The following ALK variants were observed in gnomAD, a reference collection of about 807,000 sequenced individuals.
ALK encodes ALK receptor tyrosine kinase, also known as ALK tyrosine kinase receptor.
Under a neutral mutation model 163.1 loss-of-function variants are expected in ALK, and 74 were observed. That is an observed-to-expected ratio of 0.45 (90% CI 0.38 to 0.55). ALK has a LOEUF of 0.55. Ranked by LOEUF, ALK falls within the 20% of genes least tolerant of loss-of-function variation. The pLI is 0.00. For missense variants in ALK, 2,063 were observed against 2,105.3 expected, an observed-to-expected ratio of 0.98 and a Z score of 0.39; for synonymous variants, 960 against 843.2, an observed-to-expected ratio of 1.14 and a Z score of -2.40.
rs1572423602 is a variant in ALK at position 29,837,640 on chromosome 2, T to C, written c.667+82353A>G. ...CCTAAACTAGCCCTAGGTTAAAGAC[T>C]ACTTTAGATCATCTCTTTAAAAGCT... On this transcript the variant is annotated intron_variant, in intron 1 of 28. Transcript: ENST00000389048. Among the ~76,000 whole-genome samples, 4 of 152,344 alleles carry C rather than the reference T, an allele frequency of 2.6e-5. 1 individual carries two copies. The South Asian group carries it at 8.3e-4, about 32-fold the overall frequency.
At chr2:29,209,509 T>C (rs1478506726) in intron 25 of ALK, among the ~76,000 whole-genome samples, 11 of 134,728 alleles carry the variant, frequency 8.2e-5, no homozygotes, top group African/African-American at 3.1e-4. Flanking sequence ...GCCATGGCAC[T>C]CCAGCCTGGG....
chr2:29,861,909 A>G (rs1178070740), intron 1 of ALK, among the ~76,000 whole-genome samples: 3 of 152,320 alleles, frequency 2.0e-5, no homozygotes, highest in East Asian at 3.9e-4. Flanking sequence ...ATTCAATGGC[A>G]TATTAAAAGA....
chr2:29,738,467 A>G (rs1679956714), intron 1 of ALK, among the ~76,000 whole-genome samples: 1 of 152,080 alleles, frequency 6.6e-6, no homozygotes, highest in Non-Finnish European at 1.5e-5. Context: ...TTATGTGGCC[A>G]TCTACTACTT....
intron 1 of ALK, among the ~76,000 whole-genome samples, chr2:29,749,053 G>A (rs1680282732): frequency 6.6e-6 from 1 of 152,172 alleles, no homozygotes; most frequent in Non-Finnish European, 1.5e-5. Flanking sequence ...CTGAAGGTGT[G>A]TCCTCTGGCC....
intron 3 of ALK, among the ~76,000 whole-genome samples, chr2:29,636,146 CAT>C (rs1676519777): frequency 6.6e-6 from 1 of 152,116 alleles, no homozygotes; most frequent in African/African-American, 2.4e-5. Flanking sequence ...GTAATCAAGA[CAT>C]GTGGTGTTGG....
intron 1 of ALK, among the ~76,000 whole-genome samples, chr2:29,743,452 C>T (rs1327959777): frequency 2.0e-5 from 3 of 152,100 alleles, no homozygotes; most frequent in African/African-American, 7.2e-5. Context: ...ATGAAGGAAG[C>T]AACAGACTTC....
intron 4 of ALK, among the ~76,000 whole-genome samples, chr2:29,402,463 AC>A (rs1455029397): frequency 1.3e-5 from 2 of 152,098 alleles, no homozygotes; most frequent in Non-Finnish European, 2.9e-5. Context: ...TGGGCGAGTC[AC>A]TCCACTTCTT....
chr2:29,857,615 G>A (rs532532576), intron 1 of ALK, among the ~76,000 whole-genome samples: 1 of 152,142 alleles, frequency 6.6e-6, no homozygotes, highest in African/African-American at 2.4e-5. Flanking sequence ...CATGAAGGGT[G>A]GTATGACCGA....
intron 1 of ALK, among the ~76,000 whole-genome samples, chr2:29,728,573 T>C (rs1679641056): frequency 6.6e-6 from 1 of 152,150 alleles, no homozygotes; most frequent in South Asian, 2.1e-4. Context: ...TGAGAACGTA[T>C]GATGAGGGAT....
At position 29,257,204 on chromosome 2, in the gene ALK, A is replaced by G. The variant is rs543854623; in HGVS notation, c.2042-5937T>C. Among the ~76,000 whole-genome samples, 22 of 150,186 alleles carry G rather than the reference A, an allele frequency of 1.5e-4. 1 individual carries two copies. Among genetic ancestry groups the G allele is most frequent in the African/African-American group, 5.2e-4 (21 of 40,748 alleles). Reference sequence around the variant, plus strand: ...CACCTGCCTCTTTCCTCTTCTCTCAAACAAACAAACCTATTCTATTAATAC... The same window carrying G: ...CACCTGCCTCTTTCCTCTTCTCTCAGACAAACAAACCTATTCTATTAATAC... On this transcript the variant is annotated intron_variant, in intron 11 of 28. Coordinates refer to ENST00000389048, the MANE Select transcript of ALK (RefSeq NM_004304.5).
At chr2:29,573,842 G>A (rs1438110021) in intron 3 of ALK, among the ~76,000 whole-genome samples, 2 of 152,160 alleles carry the variant, frequency 1.3e-5, no homozygotes, top group Non-Finnish European at 2.9e-5. Flanking sequence ...ACTGATTCAT[G>A]CAATAAGGGA....
chr2:29,458,730 T>C (rs904222062), intron 4 of ALK, among the ~76,000 whole-genome samples: 4 of 152,130 alleles, frequency 2.6e-5, no homozygotes, highest in African/African-American at 4.8e-5. Flanking sequence ...TCCATTAAGA[T>C]TGAATTCTCC....
intron 5 of ALK, among the ~76,000 whole-genome samples, chr2:29,382,245 A>G (rs1204445100): frequency 2.6e-5 from 4 of 152,088 alleles, no homozygotes; most frequent in African/African-American, 7.2e-5. Context: ...AATTAGAGAG[A>G]TTTTAGGGAG....
chr2:29,618,643 C>G (rs772236597), intron 3 of ALK, among the ~76,000 whole-genome samples: 10 of 152,126 alleles, frequency 6.6e-5, no homozygotes, highest in Non-Finnish European at 1.3e-4. Context: ...GCCCACGCTA[C>G]AGACTAGGTG....
intron 9 of ALK, among the ~76,000 whole-genome samples, chr2:29,294,957 C>A (rs12328429): frequency 0.12 from 17,595 of 152,176 alleles, 1,049 homozygotes; most frequent in African/African-American, 0.14. Flanking sequence ...CCTTCAGTAC[C>A]ATTTGCCTCT....
chr2:29,237,357 G>C (rs749357124), intron 13 of ALK, among the ~76,000 whole-genome samples: 5 of 152,076 alleles, frequency 3.3e-5, no homozygotes, highest in Non-Finnish European at 5.9e-5. Context: ...GTCACCATTT[G>C]CCTCAAAACC....
At position 29,593,386 on chromosome 2, in the gene ALK, C is replaced by T. The variant is rs193274910; in HGVS notation, c.953-61270G>A. On this transcript the variant is annotated intron_variant, in intron 3 of 28. Transcript: ENST00000389048. ...CAGACTAGGATTTCTCACCCTAGGACGTAGTTTCCCTGAGAATGAGGGAAT... is the reference window on the plus strand; with the variant it reads ...CAGACTAGGATTTCTCACCCTAGGATGTAGTTTCCCTGAGAATGAGGGAAT... Among the ~76,000 whole-genome samples, 18 of 152,312 alleles carry T rather than the reference C, an allele frequency of 1.2e-4. 1 individual carries two copies. The East Asian group carries it at 2.1e-3, about 18-fold the overall frequency.
chr2:29,568,773 C>T (rs1266810438), intron 3 of ALK, among the ~76,000 whole-genome samples: 1 of 152,136 alleles, frequency 6.6e-6, no homozygotes, highest in Admixed American at 6.5e-5. Flanking sequence ...CTTTGGGGTC[C>T]TGTTTTGTCA....
At chr2:29,277,821 G>T (rs1427797309) in intron 9 of ALK, among the ~76,000 whole-genome samples, 3 of 152,248 alleles carry the variant, frequency 2.0e-5, no homozygotes, top group African/African-American at 7.2e-5. Context: ...TGGCACTGGG[G>T]TGTATGCCTC....
Sources: allele counts gnomAD v4.1 joint callset (sites outside exome capture counted in the v4.1 genomes callset), GRCh38; gene constraint gnomAD v4.1.1; transcripts MANE v1.5; gene names NCBI Gene and HGNC (gene_info 2026-07-23, HGNC 2026-07-21).